Variants in PDZRN4 observed in about 807,000 individuals in gnomAD.
PDZRN4 encodes PDZ domain containing ring finger 4.
PDZRN4 carries 70 observed loss-of-function variants against 99.0 expected under a neutral mutation model. The observed-to-expected ratio is 0.71, with a 90% CI of 0.58 to 0.86. PDZRN4 has a LOEUF of 0.86. PDZRN4 is among the 40% of genes least tolerant of loss of function. The pLI, the probability that PDZRN4 is intolerant of heterozygous loss-of-function variation, is 0.00. For synonymous variants in PDZRN4, 551 were observed against 501.6 expected, an observed-to-expected ratio of 1.10 and a Z score of -1.32; for missense variants, 1,474 against 1,331.2, an observed-to-expected ratio of 1.11 and a Z score of -1.67.
intron 5 of PDZRN4, among the ~76,000 whole-genome samples, chr12:41,529,036 C>T (rs1938616778): frequency 6.6e-6 from 1 of 152,106 alleles, no homozygotes; most frequent in African/African-American, 2.4e-5. Flanking sequence ...TGAATTTCAT[C>T]CACTTTTTCC....
At position 41,375,272 on chromosome 12, in the gene PDZRN4, A is replaced by T. The variant is rs181290605; in HGVS notation, c.844-131184A>T. 7.4e-4 allele frequency among the ~76,000 whole-genome samples: 112 copies of T among 152,306 alleles called. 1 individual carries two copies. The highest frequency in any genetic ancestry group is 2.6e-3 in the African/African-American group (107 of 41,556). The stretch of plus-strand genomic sequence containing the variant: ...TAGTGTGAATTGTTTTAACCTATCA[A>T]GTTTCAGGGTAGTGTGCTATTCAAC... On this transcript the variant is annotated intron_variant, in intron 3 of 9. Coordinates refer to ENST00000402685, the MANE Select transcript of PDZRN4 (RefSeq NM_001164595.2).
intron 3 of PDZRN4, among the ~76,000 whole-genome samples, chr12:41,209,375 T>C (rs2120689467): frequency 6.6e-6 from 1 of 152,008 alleles, no homozygotes; most frequent in Admixed American, 6.6e-5. Context: ...CTTTAAGTCT[T>C]AGGGTACCTG....
At chr12:41,362,938 A>G (rs1253102415) in intron 3 of PDZRN4, among the ~76,000 whole-genome samples, 1 of 152,106 alleles carries the variant, frequency 6.6e-6, no homozygotes, top group African/African-American at 2.4e-5. Context: ...TAGCTTGTCT[A>G]TGATGTATAT....
intron 3 of PDZRN4, among the ~76,000 whole-genome samples, chr12:41,370,731 A>T (rs888282192): frequency 2.0e-5 from 3 of 151,908 alleles, no homozygotes; most frequent in African/African-American, 4.8e-5. Flanking sequence ...GGTCTTCATA[A>T]TTACCTGCTT....
In PDZRN4 at chr12:41,550,717, T is replaced by C. The variant is rs75273876; in HGVS notation, c.1204-1939T>C. On this transcript the variant is annotated intron_variant, in intron 5 of 9. Transcript: ENST00000402685. ...TTCATAGTTTCATGCATTTCACTAA[T>C]TTGCAGTACCTATCTCAGAATAGAG... Among the ~76,000 whole-genome samples the C allele has an allele frequency of 6.2e-3, 949 of 152,312 alleles. 10 individuals carry two copies. Among genetic ancestry groups the C allele is most frequent in the Non-Finnish European group, 8.7e-3 (591 of 68,016 alleles).
At chr12:41,477,795 C>A in intron 3 of PDZRN4, 5 of 895,872 alleles carry the variant, frequency 5.6e-6, no homozygotes, top group Non-Finnish European at 8.9e-6. Context: ...CCACAGGCGC[C>A]TTTACCATGC....
chr12:41,452,497 T>G (rs1952783918), intron 3 of PDZRN4, among the ~76,000 whole-genome samples: 1 of 148,744 alleles, frequency 6.7e-6, no homozygotes, highest in African/African-American at 2.5e-5. Context: ...AACCAAGGAG[T>G]GGTCTTATGA....
intron 3 of PDZRN4, among the ~76,000 whole-genome samples, chr12:41,242,628 G>GACACAC (rs112751345): frequency 4.7e-5 from 7 of 148,656 alleles, no homozygotes; most frequent in South Asian, 4.3e-4. Context: ...TGTTCTTGTG[G>GACACAC]ACACACACAC....
At chr12:41,303,536 C>G (rs1000083042) in intron 3 of PDZRN4, among the ~76,000 whole-genome samples, 1 of 152,180 alleles carries the variant, frequency 6.6e-6, no homozygotes, top group African/African-American at 2.4e-5. Flanking sequence ...CTCTGGAAAT[C>G]TCACATTCAG....
chr12:41,293,580 G>C (rs996018138), intron 3 of PDZRN4, among the ~76,000 whole-genome samples: 1 of 151,886 alleles, frequency 6.6e-6, no homozygotes, highest in Admixed American at 6.6e-5. Context: ...CTCCTGTTTC[G>C]AAAAAGCAAA....
intron 3 of PDZRN4, among the ~76,000 whole-genome samples, chr12:41,248,068 A>G (rs747756731): frequency 1.4e-4 from 21 of 152,230 alleles, no homozygotes; most frequent in Non-Finnish European, 2.6e-4. Flanking sequence ...TAGTTGTTGC[A>G]GGTTCACTTC....
Position 41,388,426 on chromosome 12 carries a change from C to G in PDZRN4, c.844-118030C>G, listed in dbSNP as rs11180879. On this transcript the variant is annotated intron_variant, in intron 3 of 9. Transcript: ENST00000402685. ...GGAAAGTTGGAGGAATCGCAAGAGC[C>G]AAATTTTGAAGCATTTTGTAGGCCA... 3.3e-3 allele frequency among the ~76,000 whole-genome samples: 497 copies of G among 151,484 alleles called. 18 individuals are homozygous for G. The East Asian group carries it at 0.088, about 27-fold the overall frequency.
chr12:41,219,319 C>T (rs1188610575), intron 3 of PDZRN4, among the ~76,000 whole-genome samples: 2 of 151,984 alleles, frequency 1.3e-5, no homozygotes, highest in Non-Finnish European at 2.9e-5. Flanking sequence ...AGTAGGAGTT[C>T]AGTCAAGATT....
chr12:41,200,320 G>A (rs936873871), intron 3 of PDZRN4, among the ~76,000 whole-genome samples: 2 of 152,102 alleles, frequency 1.3e-5, no homozygotes, highest in Non-Finnish European at 2.9e-5. Flanking sequence ...ACCCTAGACA[G>A]TCCCTCAGAT....
Position 41,472,318 on chromosome 12 carries a change from G to T in PDZRN4, c.844-34138G>T, listed in dbSNP as rs542926795. Reference sequence around the variant, plus strand: ...GCGCCTGGCCCTGTATTACTTATTAGAAAGACCAATTCCATTTGAAATATT... The same window carrying T: ...GCGCCTGGCCCTGTATTACTTATTATAAAGACCAATTCCATTTGAAATATT... On this transcript the variant is annotated intron_variant, in intron 3 of 9. Coordinates refer to ENST00000402685, the MANE Select transcript of PDZRN4 (RefSeq NM_001164595.2). Among the ~76,000 whole-genome samples, 467 of 152,184 alleles carry T rather than the reference G, an allele frequency of 3.1e-3. 2 individuals carry two copies. Among genetic ancestry groups the T allele is most frequent in the Non-Finnish European group, 5.6e-3 (383 of 68,000 alleles).
At chr12:41,492,742 T>G (rs967949740) in intron 3 of PDZRN4, among the ~76,000 whole-genome samples, 14 of 152,186 alleles carry the variant, frequency 9.2e-5, no homozygotes, top group African/African-American at 2.7e-4. Flanking sequence ...CCTTTTGGAT[T>G]ATTCTTTACA....
intron 3 of PDZRN4, among the ~76,000 whole-genome samples, chr12:41,342,233 A>G (rs926298951): frequency 6.6e-6 from 1 of 151,962 alleles, no homozygotes. Flanking sequence ...ATAAACTGCC[A>G]AACTATGAAA....
At chr12:41,558,751 TA>T (rs1235145514) in intron 7 of PDZRN4, among the ~76,000 whole-genome samples, 6 of 152,188 alleles carry the variant, frequency 3.9e-5, no homozygotes, top group African/African-American at 1.4e-4. Flanking sequence ...ATGTCACACT[TA>T]ATACATGTCC....
intron 3 of PDZRN4, among the ~76,000 whole-genome samples, chr12:41,386,094 G>A (rs1952168830): frequency 1.3e-5 from 2 of 152,140 alleles, no homozygotes; most frequent in South Asian, 4.1e-4. Flanking sequence ...GTGCAGAAAA[G>A]TCTTCGATAA....
Sources: allele counts gnomAD v4.1 joint callset (sites outside exome capture counted in the v4.1 genomes callset), GRCh38; gene constraint gnomAD v4.1.1; transcripts MANE v1.5; gene names NCBI Gene and HGNC (gene_info 2026-07-23, HGNC 2026-07-21).